Variants in TBC1D4 observed in about 807,000 individuals in gnomAD.
The protein encoded by TBC1D4 is TBC (Tre-2, BUB2, CDC16) domain-containing protein.
TBC1D4 carries 121 observed loss-of-function variants against 142.5 expected under a neutral mutation model. That is an observed-to-expected ratio of 0.85 (90% CI 0.73 to 0.99). TBC1D4 has a LOEUF of 0.99. Among genes scored for constraint, TBC1D4 ranks in the 50% least tolerant of loss-of-function variants. The probability of loss-of-function intolerance (pLI) is 0.00; values close to 1 mark genes in which losing one functional copy is unlikely to be tolerated. For missense variants in TBC1D4, 1,475 were observed against 1,606.6 expected (o/e 0.92, Z 1.40); for synonymous variants, 630 against 628.2 (o/e 1.00, Z -0.04).
intron 9 of TBC1D4, among the ~76,000 whole-genome samples, chr13:75,327,495 T>C (rs1399954295): frequency 6.6e-6 from 1 of 152,202 alleles, no homozygotes; most frequent in Non-Finnish European, 1.5e-5. Flanking sequence ...ATTGGATCAA[T>C]AGTTGCTCAA....
chr13:75,478,381 G>C (rs1888703451), intron 1 of TBC1D4, among the ~76,000 whole-genome samples: 1 of 152,100 alleles, frequency 6.6e-6, no homozygotes, highest in Non-Finnish European at 1.5e-5. Flanking sequence ...CCAACAGATA[G>C]GGCCATTGCA....
chr13:75,466,422 A>G (rs1888169894), intron 1 of TBC1D4, among the ~76,000 whole-genome samples: 1 of 152,246 alleles, frequency 6.6e-6, no homozygotes, highest in African/African-American at 2.4e-5. Context: ...ATAAAACCCT[A>G]TGCACTATCA....
chr13:75,474,863 C>G (rs1888572321), intron 1 of TBC1D4, among the ~76,000 whole-genome samples: 1 of 152,082 alleles, frequency 6.6e-6, no homozygotes, highest in Non-Finnish European at 1.5e-5. Context: ...TCTCGAACTC[C>G]TGACCTCAGG....
At chr13:75,434,734 AAAG>A (rs1886727817) in intron 1 of TBC1D4, among the ~76,000 whole-genome samples, 1 of 152,114 alleles carries the variant, frequency 6.6e-6, no homozygotes, top group Non-Finnish European at 1.5e-5. Context: ...CAACCTATAA[AAAG>A]AATATAAGTT....
chr13:75,291,956 T>C (rs1399404897), intron 19 of TBC1D4, 146 bp downstream of exon 19: 2 of 725,878 alleles, frequency 2.8e-6, no homozygotes, highest in Non-Finnish European at 4.3e-6. Flanking sequence ...TGTCACAGTG[T>C]AGAAATTTCA....
chr13:75,288,557 T>G (rs1874929312), intron 20 of TBC1D4, among the ~76,000 whole-genome samples: 1 of 152,088 alleles, frequency 6.6e-6, no homozygotes, highest in Non-Finnish European at 1.5e-5. Context: ...TCAGCCTGAC[T>G]TAAAGACCCT....
At chr13:75,356,031 C>T (rs777507865) in intron 4 of TBC1D4, 116 bp downstream of exon 4, 42 of 780,644 alleles carry the variant, frequency 5.4e-5, no homozygotes, top group African/African-American at 8.5e-5. Flanking sequence ...TATTTCTAGA[C>T]GCCTTCTTCT....
intron 1 of TBC1D4, among the ~76,000 whole-genome samples, chr13:75,426,574 G>T (rs1292447120): frequency 6.6e-6 from 1 of 152,094 alleles, no homozygotes; most frequent in Non-Finnish European, 1.5e-5. Context: ...TGAGACTCAG[G>T]AACTATTCAG....
chr13:75,318,606 G>A (rs1205028546), intron 12 of TBC1D4, among the ~76,000 whole-genome samples: 1 of 152,058 alleles, frequency 6.6e-6, no homozygotes, highest in Non-Finnish European at 1.5e-5. Context: ...AATTGCATCA[G>A]GTGCACTAAC....
intron 2 of TBC1D4, among the ~76,000 whole-genome samples, chr13:75,361,386 T>A (rs550679907): frequency 5.3e-5 from 8 of 152,282 alleles, no homozygotes; most frequent in African/African-American, 1.9e-4. Flanking sequence ...TCTACAATTT[T>A]TTTGTTGTTG....
chr13:75,400,095 T>C (rs1371504138), intron 1 of TBC1D4, among the ~76,000 whole-genome samples: 3 of 152,164 alleles, frequency 2.0e-5, no homozygotes, highest in Non-Finnish European at 2.9e-5. Context: ...CCTGCCCAAA[T>C]TGCAAAATAG....
chr13:75,428,320 A>C (rs1886461450), intron 1 of TBC1D4, among the ~76,000 whole-genome samples: 1 of 152,178 alleles, frequency 6.6e-6, no homozygotes, highest in South Asian at 2.1e-4. Context: ...CTACCAAATA[A>C]GATTTTAAAG....
chr13:75,286,414 T>C lies in TBC1D4; in HGVS notation c.*378A>G, dbSNP rs1322415350. 5.6e-6 allele frequency: 1 copy of C among 179,120 alleles called. No individual in the cohort carries two copies. Among genetic ancestry groups the C allele is most frequent in the Non-Finnish European group, 1.2e-5 (1 of 83,666 alleles). 11.1% of individuals were successfully genotyped at this position (179,120 alleles called of 1,614,324 possible). A position where few individuals can be genotyped will look rare whatever the true frequency, so the allele number is the denominator to read the frequency against. ...AAGATGCTCTGGCTTTGTTTCACTA[T>C]AAAGACAAAAAGATTTCACATATGT... is the stretch of plus-strand genomic sequence containing the variant. On this transcript the variant is annotated 3_prime_UTR_variant, in exon 21 of 21. Transcript: ENST00000377636.
rs767666110 is a variant in TBC1D4, at chr13:75,356,144, T to C, written c.1275+3A>G. On this transcript the variant is annotated splice_donor_region_variant and intron_variant, in intron 4 of 20. Coordinates refer to ENST00000377636, the MANE Select transcript of TBC1D4 (RefSeq NM_014832.5). ...GCAGGCAGACAGCAATAACACTACT[T>C]ACCAGAGATTCGCTGGCACACTGGA... 2 of 1,610,142 alleles carry C rather than the reference T, an allele frequency of 1.2e-6. No individual in the cohort carries two copies. The highest frequency in any genetic ancestry group is 2.7e-5 in the African/African-American group (2 of 74,944).
intron 1 of TBC1D4, among the ~76,000 whole-genome samples, chr13:75,409,803 C>G (rs576876551): frequency 6.6e-6 from 1 of 152,256 alleles, no homozygotes; most frequent in Admixed American, 6.5e-5. Context: ...ATAAATTTAG[C>G]GAACCCTTTG....
At chr13:75,374,617 T>C (rs960668520) in intron 1 of TBC1D4, among the ~76,000 whole-genome samples, 24 of 152,310 alleles carry the variant, frequency 1.6e-4, no homozygotes, top group African/African-American at 5.8e-4. Context: ...TGTTCAGTGG[T>C]TCCTAACAGT....
intron 4 of TBC1D4, among the ~76,000 whole-genome samples, chr13:75,355,770 A>G (rs1390609783): frequency 6.6e-6 from 1 of 152,280 alleles, no homozygotes; most frequent in Non-Finnish European, 1.5e-5. Flanking sequence ...TTCTGCTGAT[A>G]TAAGCATTAT....
At chr13:75,480,889 ACACACACACACACACACG>A (rs1270178802) in intron 1 of TBC1D4, among the ~76,000 whole-genome samples, 1 of 118,624 alleles carries the variant, frequency 8.4e-6, no homozygotes, top group African/African-American at 2.5e-5. Context: ...ACACACACAC[ACACACACACACACACACG>A]GCAAGCAAGC....
intron 15 of TBC1D4, among the ~76,000 whole-genome samples, chr13:75,303,341 G>A (rs1876787271): frequency 6.6e-6 from 1 of 151,962 alleles, no homozygotes; most frequent in Non-Finnish European, 1.5e-5. Flanking sequence ...AATATAAGTA[G>A]TAAACAATAA....
Sources: gnomAD v4.1 joint callset for allele counts (sites outside exome capture counted in the v4.1 genomes callset) on GRCh38, gnomAD v4.1.1 for gene constraint, MANE v1.5 for transcripts, NCBI Gene and HGNC (gene_info 2026-07-23, HGNC 2026-07-21) for gene names.